ZNF385B: variants seen among roughly 807,000 people sequenced by gnomAD.
ZNF385B encodes the protein zinc finger protein 533.
In ZNF385B, 23 loss-of-function variants were observed where a neutral mutation model predicts 39.2. The ratio of observed to expected loss-of-function variants is 0.59; its 90% CI spans 0.42 to 0.83. The LOEUF (loss-of-function observed/expected upper bound fraction) is 0.83. Among genes scored for constraint, ZNF385B ranks in the 40% least tolerant of loss-of-function variants. The pLI is 0.00. For missense variants in ZNF385B, 552 were observed against 598.9 expected, an observed-to-expected ratio of 0.92 and a Z score of 0.82; for synonymous variants, 205 against 222.6, an observed-to-expected ratio of 0.92 and a Z score of 0.70.
At chr2:179,574,637 C>G (rs531859382) in intron 3 of ZNF385B, among the ~76,000 whole-genome samples, 3 of 152,294 alleles carry the variant, frequency 2.0e-5, no homozygotes, top group South Asian at 4.2e-4. Context: ...TAGAAACTAA[C>G]TAGATGGAAG....
rs76449942 is a variant in ZNF385B at position 179,759,491 on chromosome 2, C to T, written c.298+10012G>A. Among the ~76,000 whole-genome samples, 858 of 152,280 alleles carry T rather than the reference C, an allele frequency of 5.6e-3. 5 individuals are homozygous for T. The highest frequency in any genetic ancestry group is 0.02 in the African/African-American group (822 of 41,550). On this transcript the variant is annotated intron_variant, in intron 3 of 9. Transcript: ENST00000410066. The stretch of plus-strand genomic sequence containing the variant: ...TTTTTCCTGTTCTGATTCCTTTCTA[C>T]CTTTGCAAAGGGATCTTCCTCTTTT...
chr2:179,587,558 C>T (rs552875380), intron 3 of ZNF385B, among the ~76,000 whole-genome samples: 11 of 152,170 alleles, frequency 7.2e-5, no homozygotes, highest in Non-Finnish European at 1.6e-4. Flanking sequence ...ATGTAAAGAC[C>T]TTAAAGAGCC....
intron 3 of ZNF385B, among the ~76,000 whole-genome samples, chr2:179,632,842 T>C (rs1288446008): frequency 2.0e-5 from 3 of 151,972 alleles, no homozygotes; most frequent in African/African-American, 4.8e-5. Flanking sequence ...AAGAATCAAA[T>C]AGACACAATA....
chr2:179,456,494 T>A lies in ZNF385B; in HGVS notation c.716-9724A>T, dbSNP rs147230705. ...GATGCTTTGTACCTCAACGTAATTT[T>A]AAAAATTTTTATTACTCTGAAAGGA... On this transcript the variant is annotated intron_variant, in intron 6 of 9. Coordinates refer to ENST00000410066, the MANE Select transcript of ZNF385B (RefSeq NM_152520.6). Among the ~76,000 whole-genome samples, 1,458 of 152,310 alleles carry A rather than the reference T, an allele frequency of 9.6e-3. 27 individuals are homozygous for A. The highest frequency in any genetic ancestry group is 0.034 in the African/African-American group (1,398 of 41,580).
chr2:179,502,224 G>A (rs761202108), intron 5 of ZNF385B, among the ~76,000 whole-genome samples: 1 of 152,208 alleles, frequency 6.6e-6, no homozygotes, highest in Non-Finnish European at 1.5e-5. Flanking sequence ...TCTCAGGTGA[G>A]ACTATGGACT....
chr2:179,697,579 C>G (rs1331736483), intron 3 of ZNF385B, among the ~76,000 whole-genome samples: 1 of 152,164 alleles, frequency 6.6e-6, no homozygotes, highest in African/African-American at 2.4e-5. Context: ...TGAGAATGGA[C>G]TAATACAGTA....
intron 1 of ZNF385B, among the ~76,000 whole-genome samples, chr2:179,819,929 T>C (rs1707303168): frequency 6.6e-6 from 1 of 152,222 alleles, no homozygotes; most frequent in East Asian, 1.9e-4. Flanking sequence ...CCTAACAAGA[T>C]GTCTGGAGAT....
Position 179,442,166 on chromosome 2 carries a change from T to C in ZNF385B, c.*1084A>G, listed in dbSNP as rs185692877. On this transcript the variant is annotated 3_prime_UTR_variant, in exon 10 of 10. Coordinates refer to ENST00000410066, the MANE Select transcript of ZNF385B (RefSeq NM_152520.6). ...TGATATCGGCTTAGAAAGGGGGGCA[T>C]GGGAGCATGACCTGCAATATATTCA... is the stretch of plus-strand genomic sequence containing the variant. The C allele has an allele frequency of 1.8e-4, 27 of 152,724 alleles. No individual in the cohort carries two copies. In the East Asian group the frequency reaches 5.0e-3, roughly 28 times the overall value. The allele number at this position is 152,724 out of a possible 1,614,324, so 9.5% of individuals were successfully genotyped here.
intron 3 of ZNF385B, among the ~76,000 whole-genome samples, chr2:179,733,316 T>C (rs1051559023): frequency 6.6e-6 from 1 of 152,192 alleles, no homozygotes; most frequent in Non-Finnish European, 1.5e-5. Flanking sequence ...TTCCCATCCA[T>C]TAACTGTGAC....
At chr2:179,674,449 T>C (rs1359164340) in intron 3 of ZNF385B, among the ~76,000 whole-genome samples, 3 of 152,208 alleles carry the variant, frequency 2.0e-5, no homozygotes, top group Non-Finnish European at 4.4e-5. Context: ...TTCATTCTTA[T>C]AAATATAACC....
chr2:179,482,260 T>C (rs1451060929), intron 6 of ZNF385B, among the ~76,000 whole-genome samples: 1 of 152,220 alleles, frequency 6.6e-6, no homozygotes, highest in Admixed American at 6.5e-5. Flanking sequence ...TTAAGTCTCC[T>C]TCAAAAATTC....
chr2:179,449,998 G>A (rs2049928406), intron 6 of ZNF385B, among the ~76,000 whole-genome samples: 2 of 152,156 alleles, frequency 1.3e-5, no homozygotes, highest in African/African-American at 4.8e-5. Context: ...ACAAGAAATG[G>A]GGAAATGATT....
chr2:179,819,204 G>A (rs930800652), intron 1 of ZNF385B, among the ~76,000 whole-genome samples: 1 of 152,102 alleles, frequency 6.6e-6, no homozygotes, highest in African/African-American at 2.4e-5. Context: ...CTCTGGCCCT[G>A]TGAGAGCACC....
intron 5 of ZNF385B, among the ~76,000 whole-genome samples, chr2:179,507,220 T>C (rs930801974): frequency 7.2e-5 from 11 of 152,236 alleles, no homozygotes; most frequent in Non-Finnish European, 1.3e-4. Flanking sequence ...TTCAGTCATA[T>C]GTCTTAAGTG....
intron 3 of ZNF385B, among the ~76,000 whole-genome samples, chr2:179,759,721 C>T (rs1200134759): frequency 6.6e-6 from 1 of 152,144 alleles, no homozygotes; most frequent in Non-Finnish European, 1.5e-5. Context: ...TGTGCCACAT[C>T]TACGTTACAT....
At chr2:179,834,481 T>C (rs1246082599) in intron 1 of ZNF385B, among the ~76,000 whole-genome samples, 1 of 152,186 alleles carries the variant, frequency 6.6e-6, no homozygotes, top group Non-Finnish European at 1.5e-5. Context: ...GAGTGAATGA[T>C]AAATAATGAC....
chr2:179,752,256 A>G (rs1702724676), intron 3 of ZNF385B, among the ~76,000 whole-genome samples: 1 of 152,202 alleles, frequency 6.6e-6, no homozygotes, highest in Admixed American at 6.5e-5. Context: ...CCTTCAAAGG[A>G]CGTGAACTCA....
At chr2:179,628,763 A>G (rs1215895858) in intron 3 of ZNF385B, among the ~76,000 whole-genome samples, 1 of 152,114 alleles carries the variant, frequency 6.6e-6, no homozygotes, top group Non-Finnish European at 1.5e-5. Flanking sequence ...TTCCTTCTCC[A>G]TGTATTGGCT....
intron 6 of ZNF385B, among the ~76,000 whole-genome samples, chr2:179,472,578 T>C (rs986744658): frequency 6.6e-6 from 1 of 152,224 alleles, no homozygotes; most frequent in Non-Finnish European, 1.5e-5. Flanking sequence ...GAAACAAGCA[T>C]GTATTTTTTA....
Sources: allele counts gnomAD v4.1 joint callset (sites outside exome capture counted in the v4.1 genomes callset), GRCh38; gene constraint gnomAD v4.1.1; transcripts MANE v1.5; gene names NCBI Gene and HGNC (gene_info 2026-07-23, HGNC 2026-07-21).